Variants in PRUNE2 observed in about 807,000 individuals in gnomAD.
The protein encoded by PRUNE2 is protein prune homolog 2.
PRUNE2 carries 164 observed loss-of-function variants against 252.0 expected under a neutral mutation model. The observed-to-expected ratio is 0.65, with a 90% CI of 0.57 to 0.74. The LOEUF is 0.74. Ranked by LOEUF, PRUNE2 falls within the 30% of genes least tolerant of loss-of-function variation. The pLI is 0.00. For synonymous variants in PRUNE2, 1,292 were observed against 1,350.2 expected, an observed-to-expected ratio of 0.96 and a Z score of 0.94; for missense variants, 3,495 against 3,711.0, an observed-to-expected ratio of 0.94 and a Z score of 1.51.
chr9:76,715,391 C>T (rs879834826), intron 6 of PRUNE2, among the ~76,000 whole-genome samples: 5 of 152,296 alleles, frequency 3.3e-5, no homozygotes, highest in Admixed American at 6.5e-5. Context: ...CCGCCCATCA[C>T]GGGCTTCCAT....
In PRUNE2 at chr9:76,713,563, C is replaced by T. The variant is rs1002832544; in HGVS notation, c.915G>A (p.Gln305=). 1 of 1,607,922 alleles carries T rather than the reference C, an allele frequency of 6.2e-7. No homozygotes were observed. The highest frequency in any genetic ancestry group is 8.5e-7 in the Non-Finnish European group (1 of 1,177,226). The change falls in exon 7 of 19, where the codon CAG becomes CAA. Residue 305 remains glutamine (Q), a splice_region_variant and synonymous_variant. Transcript: ENST00000376718. ...TGACGGGGTCAGAGGAGGGGCTCAC[C>T]TGACTGCACAGCTCCATGTTTTCTG... ...VYSENMELCS[Q]ICCELEECQN...
rs777861730 is a variant in PRUNE2 at position 76,711,115 on chromosome 9, C to T, written c.1159G>A (p.Glu387Lys). 1.2e-5 allele frequency: 20 copies of T among 1,613,828 alleles called. No individual in the cohort carries two copies. In the Admixed American group the frequency reaches 1.3e-4, roughly 11 times the overall value. ...PLSQGSSGIM[E>K]LYGSDIEPQP... ...GGCTCTATGTCAGAACCATACAATT[C>T]CATAATCCCAGAAGACCCCTGGGAG... is the stretch of plus-strand genomic sequence containing the variant. The change falls in exon 8 of 19, where the codon GAA (glutamate) becomes AAA (lysine). Residue 387 changes from glutamate (E) to lysine (K), a missense_variant. By Grantham distance (56) the Glu-to-Lys change is moderately conservative. Transcript: ENST00000376718.
chr9:76,851,574 C>T (rs2059965281), intron 2 of PRUNE2, among the ~76,000 whole-genome samples: 1 of 150,984 alleles, frequency 6.6e-6, no homozygotes, highest in South Asian at 2.1e-4. Context: ...CACACACACA[C>T]TTTTAATTAC....
intron 6 of PRUNE2, among the ~76,000 whole-genome samples, chr9:76,732,234 G>C (rs945132474): frequency 3.9e-5 from 6 of 152,190 alleles, no homozygotes; most frequent in South Asian, 4.1e-4. Context: ...ATGGCTCCAG[G>C]AGGCAGAGCT....
chr9:76,723,914 TCTC>T (rs2047866538), intron 6 of PRUNE2, among the ~76,000 whole-genome samples: 1 of 151,270 alleles, frequency 6.6e-6, no homozygotes, highest in Non-Finnish European at 1.5e-5. Flanking sequence ...TTCACGCCCT[TCTC>T]CTGCCTCAGC....
chr9:76,802,859 T>A (rs1266016229), intron 6 of PRUNE2, among the ~76,000 whole-genome samples: 1 of 152,188 alleles, frequency 6.6e-6, no homozygotes. Flanking sequence ...GCTTAAAATA[T>A]GCCACAAAAC....
intron 6 of PRUNE2, among the ~76,000 whole-genome samples, chr9:76,797,406 G>C (rs1033758505): frequency 6.6e-6 from 1 of 151,914 alleles, no homozygotes; most frequent in Non-Finnish European, 1.5e-5. Context: ...TGTTTGGTTA[G>C]TTTTCTTTTC....
At chr9:76,820,709 G>T (rs2057988785) in intron 6 of PRUNE2, among the ~76,000 whole-genome samples, 1 of 152,158 alleles carries the variant, frequency 6.6e-6, no homozygotes, top group African/African-American at 2.4e-5. Context: ...TGGAGAGCGG[G>T]ATAAGCATAC....
At chr9:76,764,225 AAAAC>A (rs57787958) in intron 6 of PRUNE2, among the ~76,000 whole-genome samples, 30,069 of 151,582 alleles carry the variant, frequency 0.2, 5,558 homozygotes, top group African/African-American at 0.47. Flanking sequence ...ATGGAGGCAG[AAAAC>A]AAACAAACAA....
chr9:76,821,548 GT>G (rs915257025), intron 6 of PRUNE2, among the ~76,000 whole-genome samples: 12 of 149,296 alleles, frequency 8.0e-5, no homozygotes, highest in African/African-American at 1.2e-4. Context: ...TACTAAGGAG[GT>G]TTTTTTTTTC....
rs1298265807 is a variant in PRUNE2 at position 76,627,865 on chromosome 9, A to G, written c.9149+1327T>C. On this transcript the variant is annotated intron_variant, in intron 16 of 18. Transcript: ENST00000376718. ...AAAACAGGGGTTTACTATAAGAGTT[A>G]AATAAATGATATAAATAGAGCACTG... 6.9e-6 allele frequency: 3 copies of G among 434,724 alleles called. No homozygotes were observed. The East Asian group carries it at 2.2e-4, about 32-fold the overall frequency. 26.9% of individuals were successfully genotyped at this position (434,724 alleles called of 1,614,324 possible).
At chr9:76,667,987 C>T (rs1030206370) in intron 9 of PRUNE2, among the ~76,000 whole-genome samples, 1 of 152,050 alleles carries the variant, frequency 6.6e-6, no homozygotes, top group African/African-American at 2.4e-5. Flanking sequence ...CAACCGCTGT[C>T]CTAGAGTCTA....
chr9:76,754,249 A>G (rs1345397814), intron 6 of PRUNE2, among the ~76,000 whole-genome samples: 1 of 151,972 alleles, frequency 6.6e-6, no homozygotes, highest in Non-Finnish European at 1.5e-5. Context: ...ACTACTCAGA[A>G]CCTGCTAATT....
chr9:76,651,239 C>T (rs904966332), intron 11 of PRUNE2, among the ~76,000 whole-genome samples: 3 of 151,910 alleles, frequency 2.0e-5, no homozygotes, highest in African/African-American at 7.3e-5. Flanking sequence ...TCTACTTAAG[C>T]ATAATAGACT....
chr9:76,744,349 C>G (rs2049918396), intron 6 of PRUNE2, among the ~76,000 whole-genome samples: 1 of 152,180 alleles, frequency 6.6e-6, no homozygotes, highest in African/African-American at 2.4e-5. Context: ...GACACAGAAG[C>G]CTTCCACAGT....
chr9:76,731,365 C>G (rs1489191307), intron 6 of PRUNE2, among the ~76,000 whole-genome samples: 1 of 148,774 alleles, frequency 6.7e-6, no homozygotes, highest in Non-Finnish European at 1.5e-5. Flanking sequence ...CTCTGTCACC[C>G]AGGCTGGAGT....
chr9:76,675,915 T>A, intron 9 of PRUNE2, among the ~76,000 whole-genome samples: 1 of 106,184 alleles, frequency 9.4e-6, no homozygotes, highest in Non-Finnish European at 1.9e-5. Flanking sequence ...GGGACTGTTG[T>A]GGGATGGAGG....
chr9:76,764,303 GA>G (rs1042789664), intron 6 of PRUNE2: 1 of 152,220 alleles, frequency 6.6e-6, no homozygotes, highest in African/African-American at 2.4e-5. Flanking sequence ...AGTGTGACGG[GA>G]AGGAGCATGA....
intron 9 of PRUNE2, among the ~76,000 whole-genome samples, chr9:76,661,887 T>G (rs1851589477): frequency 6.6e-6 from 1 of 151,974 alleles, no homozygotes; most frequent in Admixed American, 6.6e-5. Context: ...TTTTTTTTTT[T>G]GAACTCACCA....
Sources: gnomAD v4.1 joint callset for allele counts (sites outside exome capture counted in the v4.1 genomes callset) on GRCh38, gnomAD v4.1.1 for gene constraint, MANE v1.5 for transcripts, NCBI Gene and HGNC (gene_info 2026-07-23, HGNC 2026-07-21) for gene names.